TBC1D32: variants seen among roughly 807,000 people sequenced by gnomAD.
TBC1D32 encodes the protein TBC1 domain family member 32.
A neutral mutation model predicts 170.3 loss-of-function variants in TBC1D32; 151 were observed. That is an observed-to-expected ratio of 0.89 (90% CI 0.78 to 1.01). The LOEUF (loss-of-function observed/expected upper bound fraction) is 1.01, where lower values mean the gene tolerates loss of function less well. Among genes scored for constraint, TBC1D32 ranks in the 50% least tolerant of loss-of-function variants. The pLI, the probability that TBC1D32 is intolerant of heterozygous loss-of-function variation, is 0.00. For synonymous variants in TBC1D32, 498 were observed against 488.0 expected, an observed-to-expected ratio of 1.02 and a Z score of -0.27; for missense variants, 1,464 against 1,457.1, an observed-to-expected ratio of 1.00 and a Z score of -0.08.
At chr6:121,272,180 T>G (rs1317307583) in intron 15 of TBC1D32, among the ~76,000 whole-genome samples, 1 of 152,108 alleles carries the variant, frequency 6.6e-6, no homozygotes, top group Non-Finnish European at 1.5e-5. Flanking sequence ...GCATTACCAT[T>G]CAGGACATAG....
At chr6:121,092,413 T>C (rs1461811819) in intron 30 of TBC1D32, among the ~76,000 whole-genome samples, 6 of 151,470 alleles carry the variant, frequency 4.0e-5, no homozygotes, top group Non-Finnish European at 7.4e-5. Context: ...AATTTCCTTT[T>C]GTTTTCTATC....
chr6:121,150,525 T>C (rs1166309029), intron 24 of TBC1D32, among the ~76,000 whole-genome samples: 1 of 152,130 alleles, frequency 6.6e-6, no homozygotes, highest in Non-Finnish European at 1.5e-5. Flanking sequence ...ATGAAATGAG[T>C]TGGGGAGGAG....
Position 121,272,585 on chromosome 6 carries a change from C to T in TBC1D32, c.1733+6536G>A, listed in dbSNP as rs552910914. 6.4e-4 allele frequency among the ~76,000 whole-genome samples: 98 copies of T among 152,098 alleles called. 1 individual carries two copies. The highest frequency in any genetic ancestry group is 3.4e-3 in the Middle Eastern group (1 of 294). ...TACCATCTCACACCAGTTAGAATGGCGATCATTAAAAAGTCAGGAAACAAC... is the reference window on the plus strand; with the variant it reads ...TACCATCTCACACCAGTTAGAATGGTGATCATTAAAAAGTCAGGAAACAAC... On this transcript the variant is annotated intron_variant, in intron 15 of 31. Transcript: ENST00000398212.
chr6:121,325,939 C>T (rs905357787), intron 1 of TBC1D32, among the ~76,000 whole-genome samples: 1 of 152,086 alleles, frequency 6.6e-6, no homozygotes. Context: ...AAAAAAACAA[C>T]TCCATCAAAA....
chr6:121,287,197 C>A (rs978844388), intron 12 of TBC1D32, among the ~76,000 whole-genome samples: 3 of 152,246 alleles, frequency 2.0e-5, no homozygotes, highest in Non-Finnish European at 4.4e-5. Context: ...AATTAAAAGA[C>A]ACGGAGTAGC....
At chr6:121,243,621 A>G (rs1563051545) in intron 17 of TBC1D32, among the ~76,000 whole-genome samples, 2 of 152,094 alleles carry the variant, frequency 1.3e-5, no homozygotes, top group East Asian at 1.9e-4. Context: ...TCAGCATCCA[A>G]TGAAGAATAT....
intron 21 of TBC1D32, among the ~76,000 whole-genome samples, chr6:121,206,216 GAA>G (rs74509676): frequency 5.4e-5 from 4 of 74,572 alleles, no homozygotes; most frequent in Non-Finnish European, 6.2e-5. Flanking sequence ...TCTCAGAAAA[GAA>G]AAAAAAAAAA....
At chr6:121,148,382 T>C (rs1783757530) in intron 24 of TBC1D32, among the ~76,000 whole-genome samples, 1 of 152,184 alleles carries the variant, frequency 6.6e-6, no homozygotes, top group Admixed American at 6.5e-5. Context: ...ATCAAGTCTA[T>C]CACTGATGGG....
At chr6:121,191,042 C>CATAT (rs56242809) in intron 22 of TBC1D32, among the ~76,000 whole-genome samples, 3 of 150,602 alleles carry the variant, frequency 2.0e-5, no homozygotes, top group African/African-American at 7.3e-5. Flanking sequence ...TGTGTGTATG[C>CATAT]ATATATATAT....
chr6:121,309,988 T>C (rs1477105166), intron 4 of TBC1D32, among the ~76,000 whole-genome samples: 2 of 152,066 alleles, frequency 1.3e-5, no homozygotes, highest in South Asian at 2.1e-4. Context: ...TGATTCATGA[T>C]TGCGCCACTG....
At position 121,321,795 on chromosome 6, in the gene TBC1D32, C is replaced by T. The variant is rs1165083020; in HGVS notation, c.156-1G>A. The T allele has an allele frequency of 1.2e-6, 2 of 1,602,788 alleles. No individual in the cohort carries two copies. Among genetic ancestry groups the T allele is most frequent in the Non-Finnish European group, 1.7e-6 (2 of 1,175,860 alleles). On this transcript the variant is annotated splice_acceptor_variant, in intron 1 of 31. Coordinates refer to ENST00000398212, the MANE Select transcript of TBC1D32 (RefSeq NM_152730.6). LOFTEE classifies it high-confidence loss of function. ...CCTGAGGTATTTCACAAATTCATAG[C>T]TGAAACAAATATTTAGAAAATAAAT...
At chr6:121,288,659 C>G (rs1804297060) in intron 12 of TBC1D32, among the ~76,000 whole-genome samples, 2 of 152,230 alleles carry the variant, frequency 1.3e-5, no homozygotes, top group South Asian at 4.2e-4. Context: ...TTTATGAGGC[C>G]AGCATCATCC....
chr6:121,102,389 A>G (rs1386426498), intron 30 of TBC1D32, among the ~76,000 whole-genome samples: 1 of 152,174 alleles, frequency 6.6e-6, no homozygotes, highest in Non-Finnish European at 1.5e-5. Context: ...ACCAAAACAG[A>G]GACACAGACC....
At chr6:121,162,401 C>A (rs1277012687) in intron 22 of TBC1D32, among the ~76,000 whole-genome samples, 1 of 152,012 alleles carries the variant, frequency 6.6e-6, no homozygotes, top group Non-Finnish European at 1.5e-5. Flanking sequence ...AGGAACGTAT[C>A]ACAAAATAAT....
chr6:121,189,054 A>G (rs1276689993), intron 22 of TBC1D32, among the ~76,000 whole-genome samples: 3 of 152,184 alleles, frequency 2.0e-5, no homozygotes, highest in African/African-American at 7.2e-5. Flanking sequence ...AATATGATTT[A>G]ATTGTTGTCA....
At chr6:121,321,562 A>G in intron 2 of TBC1D32, 71 bp downstream of exon 2, 1 of 1,411,226 alleles carries the variant, frequency 7.1e-7, no homozygotes, top group South Asian at 1.3e-5. Context: ...TGTGAGGGAC[A>G]GAGATCAGGG....
chr6:121,219,045 C>G (rs943188562), intron 21 of TBC1D32, among the ~76,000 whole-genome samples: 1 of 152,104 alleles, frequency 6.6e-6, no homozygotes, highest in East Asian at 1.9e-4. Context: ...CAGGGAGGTT[C>G]CATTACATTA....
chr6:121,133,968 T>G (rs1781735920), intron 24 of TBC1D32, among the ~76,000 whole-genome samples: 1 of 147,768 alleles, frequency 6.8e-6, no homozygotes, highest in Admixed American at 7.4e-5. Flanking sequence ...GCTAATAATT[T>G]TACTGAAAAT....
intron 24 of TBC1D32, among the ~76,000 whole-genome samples, chr6:121,147,549 T>C (rs1326609250): frequency 1.3e-5 from 2 of 152,192 alleles, no homozygotes; most frequent in East Asian, 1.9e-4. Context: ...TTTGGTTGCA[T>C]TTATCTGATG....
Sources: allele counts gnomAD v4.1 joint callset (sites outside exome capture counted in the v4.1 genomes callset), GRCh38; gene constraint gnomAD v4.1.1; transcripts MANE v1.5; gene names NCBI Gene and HGNC (gene_info 2026-07-23, HGNC 2026-07-21).